CRACDL: variants seen among roughly 807,000 people sequenced by gnomAD.
CRACDL encodes CRACD like.
CRACDL carries 26 observed loss-of-function variants against 70.6 expected under a neutral mutation model. The observed-to-expected ratio is 0.37, with a 90% confidence interval of 0.27 to 0.51. The LOEUF (loss-of-function observed/expected upper bound fraction) is 0.51, where lower values mean the gene tolerates loss of function less well. Ranked by LOEUF, CRACDL falls within the 20% of genes least tolerant of loss-of-function variation. The pLI is 0.94. For synonymous variants in CRACDL, 618 were observed against 615.2 expected (o/e 1.00, Z -0.07); for missense variants, 1,283 against 1,376.9 (o/e 0.93, Z 1.08).
chr2:98,870,027 A>G (rs1707288734), intron 1 of CRACDL, among the ~76,000 whole-genome samples: 1 of 152,174 alleles, frequency 6.6e-6, no homozygotes, highest in African/African-American at 2.4e-5. Flanking sequence ...ACCCCACGTG[A>G]CACAGCCACT....
At chr2:98,873,173 AC>A in intron 1 of CRACDL, among the ~76,000 whole-genome samples, 1 of 152,234 alleles carries the variant, frequency 6.6e-6, no homozygotes. Flanking sequence ...CACAGAAGGA[AC>A]CCTCGATGTC....
rs1010904754 is a variant in CRACDL, at chr2:98,822,323, C to T, written c.1950G>A (p.Pro650=). 1.4e-6 allele frequency: 2 copies of T among 1,461,238 alleles called. No homozygotes were observed. The highest frequency in any genetic ancestry group is 1.8e-6 in the Non-Finnish European group (2 of 1,118,228). The allele number at this position is 1,461,238 out of a possible 1,614,324, so 90.5% of individuals were successfully genotyped here. The change falls in exon 7 of 10, where the codon CCG becomes CCA. Residue 650 remains proline, a synonymous_variant. Coordinates refer to ENST00000397899, the MANE Select transcript of CRACDL (RefSeq NM_207362.3). This position sits in a 1 kb window ranked among gnomAD's most constrained non-coding sequence, Gnocchi z 4.9. The part of the protein sequence containing the change: ...SGDRAASPAG[P]RKSPQEAAAA... ...CGGCCGCCTCCTGAGGGCTCTTGCG[C>T]GGCCCGGCCGGGCTGGCCGCCCTGT...
Position 98,915,926 on chromosome 2 carries a change from G to A in CRACDL, c.-11+20012C>T, listed in dbSNP as rs146747138. Among the ~76,000 whole-genome samples the A allele has an allele frequency of 5.9e-4, 90 of 152,318 alleles. 1 individual carries two copies. The highest frequency in any genetic ancestry group is 2.0e-3 in the African/African-American group (84 of 41,572). On this transcript the variant is annotated intron_variant, in intron 1 of 9. Transcript: ENST00000397899. ...GTTTCAAGGCATGGCCAAGCCTTGT[G>A]TTTGACGAATGACAGCCCAGGTGCC...
chr2:98,803,723 C>T (rs1704176403), intron 7 of CRACDL, among the ~76,000 whole-genome samples: 1 of 152,212 alleles, frequency 6.6e-6, no homozygotes. Context: ...TTTGCTAAGA[C>T]TTCGGATCTA....
At chr2:98,905,341 C>T (rs1708384719) in intron 1 of CRACDL, among the ~76,000 whole-genome samples, 2 of 152,096 alleles carry the variant, frequency 1.3e-5, no homozygotes, top group African/African-American at 2.4e-5. Flanking sequence ...CTCTGCCTTC[C>T]ACCATGCTTG....
chr2:98,803,443 C>A lies in CRACDL; in HGVS notation c.2417-5906G>T, dbSNP rs560630399. 7.2e-5 allele frequency among the ~76,000 whole-genome samples: 11 copies of A among 152,316 alleles called. 1 individual carries two copies. The South Asian group carries it at 1.9e-3, about 26-fold the overall frequency. ...GGGAGCCACTGCACCCGGCCTGATGCAGCAATTTTTAAGAAACTTTTTCTT... is the reference window on the plus strand; with the variant it reads ...GGGAGCCACTGCACCCGGCCTGATGAAGCAATTTTTAAGAAACTTTTTCTT... On this transcript the variant is annotated intron_variant, in intron 7 of 9. Transcript: ENST00000397899.
intron 1 of CRACDL, among the ~76,000 whole-genome samples, chr2:98,901,016 A>G (rs1708266616): frequency 6.6e-6 from 1 of 152,178 alleles, no homozygotes; most frequent in South Asian, 2.1e-4. Context: ...CTTAGGACAG[A>G]AAGCGATTCT....
intron 1 of CRACDL, among the ~76,000 whole-genome samples, chr2:98,879,836 G>T (rs1190946281): frequency 6.6e-6 from 1 of 152,238 alleles, no homozygotes; most frequent in African/African-American, 2.4e-5. Flanking sequence ...GTGAGCCACT[G>T]TGCGCAGCCT....
intron 1 of CRACDL, among the ~76,000 whole-genome samples, chr2:98,912,468 C>T (rs1474912216): frequency 2.6e-5 from 4 of 152,198 alleles, no homozygotes; most frequent in Non-Finnish European, 4.4e-5. Context: ...CTCCGGCAGG[C>T]GGGGGTCACA....
In CRACDL at chr2:98,880,078, G is replaced by C. The variant is rs542250399; in HGVS notation, c.-10-33268C>G. 7.9e-5 allele frequency among the ~76,000 whole-genome samples: 12 copies of C among 152,340 alleles called. No individual in the cohort carries two copies. In the South Asian group the frequency reaches 2.5e-3, roughly 32 times the overall value. ...ATCCCACAGTGCTGAGTACTTGGTAGGTGTTAAATAAATGCAGAGTTATTA... is the reference window on the plus strand; with the variant it reads ...ATCCCACAGTGCTGAGTACTTGGTACGTGTTAAATAAATGCAGAGTTATTA... On this transcript the variant is annotated intron_variant, in intron 1 of 9. Transcript: ENST00000397899.
In CRACDL at chr2:98,796,163, C is replaced by T. The variant is rs1460406583; in HGVS notation, c.2706G>A (p.Lys902=). 2 of 1,614,076 alleles carry T rather than the reference C, an allele frequency of 1.2e-6. No individual in the cohort carries two copies. The highest frequency in any genetic ancestry group is 1.7e-6 in the Non-Finnish European group (2 of 1,180,006). ...DRKQGAKLNF[K]EGLQRGISLS... is the part of the protein sequence containing the mutation. ...ATGAGATTCCTCTTTGCAGCCCCTC[C>T]TTGAAGTTGAGCTTTGCCCCCTGCT... Residue 902 remains lysine, a synonymous_variant, in exon 9 of 10, where the codon AAG becomes AAA. Transcript: ENST00000397899.
intron 1 of CRACDL, chr2:98,897,540 T>C (rs1708161166): frequency 2.9e-6 from 1 of 344,294 alleles, no homozygotes; most frequent in Non-Finnish European, 5.3e-6. Context: ...TTCTGGTCAC[T>C]TTAGATTCCT....
At chr2:98,806,235 T>G (rs1704287184) in intron 7 of CRACDL, among the ~76,000 whole-genome samples, 1 of 152,206 alleles carries the variant, frequency 6.6e-6, no homozygotes, top group Admixed American at 6.5e-5. Context: ...CAACTATACC[T>G]GCTTTGGGGA....
chr2:98,827,570 G>T (rs571695438), intron 5 of CRACDL, among the ~76,000 whole-genome samples: 15 of 152,224 alleles, frequency 9.9e-5, no homozygotes, highest in Non-Finnish European at 1.9e-4. Context: ...GATTACAGGT[G>T]TGAGCCACCG....
chr2:98,920,282 TG>T (rs1470389067), intron 1 of CRACDL, among the ~76,000 whole-genome samples: 1 of 152,204 alleles, frequency 6.6e-6, no homozygotes, highest in Non-Finnish European at 1.5e-5. Flanking sequence ...GTATGGTTCC[TG>T]GGTATTCCAT....
intron 1 of CRACDL, among the ~76,000 whole-genome samples, chr2:98,850,584 C>T (rs1187842211): frequency 6.6e-6 from 1 of 152,230 alleles, no homozygotes; most frequent in Non-Finnish European, 1.5e-5. Flanking sequence ...CTGCCTTCCA[C>T]CCTTCCACTC....
intron 1 of CRACDL, among the ~76,000 whole-genome samples, chr2:98,866,635 G>A (rs12997376): frequency 1.3e-5 from 2 of 151,050 alleles, no homozygotes; most frequent in Admixed American, 6.6e-5. Flanking sequence ...TTACAGGCAC[G>A]CACCACCACG....
At chr2:98,905,375 G>A (rs920155819) in intron 1 of CRACDL, among the ~76,000 whole-genome samples, 5 of 151,998 alleles carry the variant, frequency 3.3e-5, no homozygotes, top group African/African-American at 1.2e-4. Context: ...GCCCTCACCA[G>A]AAGCAGATGC....
Position 98,798,475 on chromosome 2 carries a change from G to C in CRACDL, c.2417-938C>G, listed in dbSNP as rs1053718611. 6.2e-4 allele frequency among the ~76,000 whole-genome samples: 41 copies of C among 66,638 alleles called. No individual in the cohort carries two copies. In the East Asian group the frequency reaches 0.02, roughly 32 times the overall value. The allele number at this position is 66,638 out of a possible 152,430, so 43.7% of individuals were successfully genotyped here. ...AAAAAAAAAAAAAAAAAAAAAAAAA[G>C]AGTGACACTCTGTCTCAAAAAAAAG... On this transcript the variant is annotated intron_variant, in intron 7 of 9. Coordinates refer to ENST00000397899, the MANE Select transcript of CRACDL (RefSeq NM_207362.3).
Sources: allele counts gnomAD v4.1 joint callset (sites outside exome capture counted in the v4.1 genomes callset), GRCh38; gene constraint gnomAD v4.1.1; non-coding constraint Gnocchi (gnomAD v3.1); transcripts MANE v1.5; gene names NCBI Gene and HGNC (gene_info 2026-07-23, HGNC 2026-07-21).